SOCS2: variants seen among roughly 807,000 people sequenced by gnomAD.
SOCS2 encodes the protein CIS-2.
A neutral mutation model predicts 18.6 loss-of-function variants in SOCS2; 10 were observed. The observed-to-expected ratio is 0.54, with a 90% CI of 0.33 to 0.91. The LOEUF (loss-of-function observed/expected upper bound fraction) is 0.91. Among genes scored for constraint, SOCS2 ranks in the 40% least tolerant of loss-of-function variants. The pLI, the probability that SOCS2 is intolerant of heterozygous loss-of-function variation, is 0.02. For missense variants in SOCS2, 231 were observed against 247.2 expected (o/e 0.93, Z 0.44); for synonymous variants, 104 against 104.0 (o/e 1.00, Z 0.00).
At chr12:93,594,733 T>C in the SOCS2 span, among the ~76,000 whole-genome samples, 1 of 152,170 alleles carries the variant, frequency 6.6e-6, no homozygotes, top group Non-Finnish European at 1.5e-5. Context: ...GAAAGAATGT[T>C]ATGTAAGGGA....
At chr12:93,620,501 C>T in the SOCS2 span, among the ~76,000 whole-genome samples, 1 of 152,250 alleles carries the variant, frequency 6.6e-6, no homozygotes, top group African/African-American at 2.4e-5. Context: ...CTGCAACCTC[C>T]ACCTGCCAGG....
chr12:93,618,972 C>A, the SOCS2 span, among the ~76,000 whole-genome samples: 7 of 152,112 alleles, frequency 4.6e-5, no homozygotes, highest in Non-Finnish European at 5.9e-5. Flanking sequence ...ACCAGCACAC[C>A]CAGTGAGATG....
chr12:93,597,496 A>G, the SOCS2 span, among the ~76,000 whole-genome samples: 2 of 152,210 alleles, frequency 1.3e-5, no homozygotes, highest in Middle Eastern at 3.4e-3. Context: ...CTGTATTTTC[A>G]GTAGAGATGG....
the SOCS2 span, among the ~76,000 whole-genome samples, chr12:93,621,218 A>G: frequency 6.6e-6 from 1 of 152,192 alleles, no homozygotes; most frequent in Admixed American, 6.5e-5. Flanking sequence ...TGAAATGACA[A>G]CTTTTGTTAG....
At chr12:93,573,440 GC>G (rs1189959282) in intron 1 of SOCS2, 1 of 380,744 alleles carries the variant, frequency 2.6e-6, no homozygotes, top group East Asian at 4.1e-5. Context: ...TGGCTCCCGG[GC>G]GGAGCTGCGG....
rs1954421688 is a variant in SOCS2 at position 93,575,080 on chromosome 12, C to G, written c.498C>G (p.Leu166=). ...CGTCAGCACCATCTCTGCAGCATCT[C>G]TGTAGGCTCACCATTAACAAATGTA... is the stretch of plus-strand genomic sequence containing the variant. ...LYTSAPSLQH[L]CRLTINKCTG... The change falls in exon 2 of 2, where the codon CTC becomes CTG. Residue 166 remains leucine, a synonymous_variant. Transcript: ENST00000551556. 1 of 1,613,706 alleles carries G rather than the reference C, an allele frequency of 6.2e-7. No individual in the cohort carries two copies. Among genetic ancestry groups the G allele is most frequent in the Non-Finnish European group, 8.5e-7 (1 of 1,179,906 alleles).
the SOCS2 span, among the ~76,000 whole-genome samples, chr12:93,616,317 G>GGAA: frequency 2.6e-5 from 4 of 152,162 alleles, no homozygotes; most frequent in African/African-American, 9.7e-5. Context: ...GACAGCCAAG[G>GGAA]GAAGCAGTAC....
the SOCS2 span, among the ~76,000 whole-genome samples, chr12:93,592,210 A>G: frequency 2.6e-5 from 4 of 152,184 alleles, no homozygotes; most frequent in Non-Finnish European, 5.9e-5. Flanking sequence ...TTATTGTACT[A>G]TACTTTCTGC....
At chr12:93,580,752 C>G (rs529405939), downstream of SOCS2, among the ~76,000 whole-genome samples, 1 of 152,084 alleles carries the variant, frequency 6.6e-6, no homozygotes, top group Admixed American at 6.5e-5. Flanking sequence ...TCTTAGGTTT[C>G]CAGCATAGCT....
chr12:93,606,740 C>T, the SOCS2 span, among the ~76,000 whole-genome samples: 1 of 152,142 alleles, frequency 6.6e-6, no homozygotes, highest in African/African-American at 2.4e-5. Flanking sequence ...GCAACCTCTG[C>T]CTCCCAGGTT....
At chr12:93,603,237 T>TA in the SOCS2 span, among the ~76,000 whole-genome samples, 3 of 152,200 alleles carry the variant, frequency 2.0e-5, no homozygotes, top group African/African-American at 4.8e-5. Flanking sequence ...ACAACAACAG[T>TA]AAAAAAACCA....
chr12:93,580,682 G>A (rs139332088), downstream of SOCS2, among the ~76,000 whole-genome samples: 51 of 149,864 alleles, frequency 3.4e-4, no homozygotes, highest in Non-Finnish European at 6.4e-4. Context: ...TCTACCCAGA[G>A]AAAGTTGTTT....
chr12:93,596,236 T>G, the SOCS2 span, among the ~76,000 whole-genome samples: 2 of 152,230 alleles, frequency 1.3e-5, no homozygotes, highest in Non-Finnish European at 2.9e-5. Flanking sequence ...ATTATTTGAT[T>G]TAATCCCCAT....
chr12:93,588,584 A>G, the SOCS2 span, among the ~76,000 whole-genome samples: 1 of 151,736 alleles, frequency 6.6e-6, no homozygotes, highest in Non-Finnish European at 1.5e-5. Context: ...GAGGAGTTGG[A>G]AGAATTTGTG....
chr12:93,626,210 T>C, the SOCS2 span, among the ~76,000 whole-genome samples: 1 of 152,166 alleles, frequency 6.6e-6, no homozygotes, highest in South Asian at 2.1e-4. Context: ...CCTTGAAGGC[T>C]TCTTAAGGTA....
intron 1 of SOCS2, chr12:93,573,288 T>C (rs772462795): frequency 1.7e-6 from 1 of 583,436 alleles, no homozygotes; most frequent in Non-Finnish European, 3.0e-6. Flanking sequence ...CTTAGCACGC[T>C]GGAAGATTTA....
the SOCS2 span, among the ~76,000 whole-genome samples, chr12:93,614,527 C>T: frequency 2.0e-4 from 17 of 85,720 alleles, no homozygotes; most frequent in Admixed American, 5.8e-4. Context: ...TTCCTTCCTT[C>T]CTTCCTTCCT....
chr12:93,624,329 C>T, the SOCS2 span, among the ~76,000 whole-genome samples: 22,527 of 152,128 alleles, frequency 0.15, 2,399 homozygotes, highest in East Asian at 0.35. Flanking sequence ...TCCCAGCACT[C>T]TGGGAGGCCA....
the SOCS2 span, among the ~76,000 whole-genome samples, chr12:93,600,831 C>T: frequency 1.3e-3 from 201 of 150,704 alleles, no homozygotes; most frequent in African/African-American, 4.3e-3. Context: ...ATCTGTCACC[C>T]GGGCTGGAGT....
Sources: allele counts gnomAD v4.1 joint callset (sites outside exome capture counted in the v4.1 genomes callset), GRCh38; gene constraint gnomAD v4.1.1; transcripts MANE v1.5; gene names NCBI Gene and HGNC (gene_info 2026-07-23, HGNC 2026-07-21).